Variants in UCKL1 observed in about 807,000 individuals in gnomAD.
UCKL1 encodes uridine-cytidine kinase-like 1.
UCKL1 carries 65 observed loss-of-function variants against 59.2 expected under a neutral mutation model. The ratio of observed to expected loss-of-function variants is 1.10; its 90% CI spans 0.90 to 1.35. The LOEUF (loss-of-function observed/expected upper bound fraction) is 1.35, where lower values mean the gene tolerates loss of function less well. Ranked by LOEUF, UCKL1 falls within the 40% of genes most tolerant of loss-of-function variation. The pLI is 0.00. For missense variants in UCKL1, 703 were observed against 784.3 expected, an observed-to-expected ratio of 0.90 and a Z score of 1.24; for synonymous variants, 410 against 323.1, an observed-to-expected ratio of 1.27 and a Z score of -2.88.
intron 8 of UCKL1, 49 bp downstream of exon 8, chr20:63,943,604 G>T: frequency 6.2e-7 from 1 of 1,612,220 alleles, no homozygotes; most frequent in South Asian, 1.1e-5. Flanking sequence ...GAGCTCCTTG[G>T]AGGTGTTGGA....
intron 1 of UCKL1, chr20:63,951,301 CACATT>C: frequency 2.9e-6 from 2 of 691,824 alleles, no homozygotes; most frequent in Non-Finnish European, 1.8e-6. Flanking sequence ...TGTGGGCTGG[CACATT>C]CGGCCAGCCT....
At position 63,939,858 on chromosome 20, in the gene UCKL1, T is replaced by TA; in HGVS notation, c.*117dup. ...TTTTTCTAAAGCTTTATTTATTTTA[T>TA]AAAATGCATAGAATAAATTATACTA... is the stretch of plus-strand genomic sequence containing the variant. On this transcript the variant is annotated 3_prime_UTR_variant, in exon 15 of 15. Transcript: ENST00000354216. 1.1e-6 allele frequency: 1 copy of TA among 914,570 alleles called. No individual in the cohort carries two copies. Among genetic ancestry groups the TA allele is most frequent in the East Asian group, 2.7e-5 (1 of 37,690 alleles). The allele number at this position is 914,570 out of a possible 1,614,324, so 56.7% of individuals were successfully genotyped here. A position where few individuals can be genotyped will look rare whatever the true frequency, so the allele number is the denominator to read the frequency against.
chr20:63,944,860 C>G (rs2055710310), intron 5 of UCKL1, 126 bp from the exon 6 acceptor site: 1 of 1,242,856 alleles, frequency 8.0e-7, no homozygotes, highest in Admixed American at 2.3e-5. Flanking sequence ...CCAGGGCACC[C>G]TGGCAGGTGG....
In UCKL1 at chr20:63,941,162, G is replaced by A. The variant is rs1219845174; in HGVS notation, c.970C>T (p.Leu324=). Residue 324 remains leucine (L), a synonymous_variant, in exon 9 of 15, where the codon CTG becomes TTG. Coordinates refer to ENST00000354216, the MANE Select transcript of UCKL1 (RefSeq NM_017859.4). ...AHQCHPLPRT[L]SVLKSTPQVR... ...TGCGGCGTGCTCTTCAGGACGCTCA[G>A]CGTCCGGGGCAGCGGGTGGCACTGG... is the stretch of plus-strand genomic sequence containing the variant. The A allele has an allele frequency of 1.3e-6, 2 of 1,581,062 alleles. No homozygotes were observed. The highest frequency in any genetic ancestry group is 3.5e-5 in the Admixed American group (2 of 56,400).
At chr20:63,949,283 C>T (rs892760801) in intron 1 of UCKL1, among the ~76,000 whole-genome samples, 5 of 152,270 alleles carry the variant, frequency 3.3e-5, no homozygotes, top group Admixed American at 2.0e-4. Context: ...GACGACCAGG[C>T]GAGGGCGGCC....
chr20:63,944,656 G>A lies in UCKL1; in HGVS notation c.733C>T (p.Arg245Cys), dbSNP rs750379534. The A allele has an allele frequency of 1.2e-6, 2 of 1,612,810 alleles. No individual in the cohort carries two copies. Among genetic ancestry groups the A allele is most frequent in the South Asian group, 1.1e-5 (1 of 91,062 alleles). The stretch of plus-strand genomic sequence containing the variant: ...ATGACACCCTCGATGTCCCGGCCGC[G>A]CTCACTGATGTCCCGGCGCAGCCGC... ...VRRLRRDISE[R>C]GRDIEGVIKQ... is the part of the protein sequence containing the mutation. The change falls in exon 6 of 15, where the codon CGC (arginine) becomes TGC (cysteine). Residue 245 changes from arginine (R) to cysteine (C), a missense_variant. Transcript: ENST00000354216.
Position 63,946,275 on chromosome 20 carries a change from C to T in UCKL1, c.305-8G>A, listed in dbSNP as rs756957976. 1.7e-5 allele frequency: 27 copies of T among 1,578,476 alleles called. No individual in the cohort carries two copies. Among genetic ancestry groups the T allele is most frequent in the East Asian group, 9.4e-5 (4 of 42,484 alleles). On this transcript the variant is annotated splice_region_variant and splice_polypyrimidine_tract_variant and intron_variant, in intron 2 of 14. Transcript: ENST00000354216. ...CACTGCCGCCTCCCAAGCCTGCCGGCGGGAGTGGAGACCCTCTGTGAGGAA... is the reference window on the plus strand; with the variant it reads ...CACTGCCGCCTCCCAAGCCTGCCGGTGGGAGTGGAGACCCTCTGTGAGGAA...
chr20:63,942,456 A>T, intron 8 of UCKL1: 1 of 1,176,384 alleles, frequency 8.5e-7, no homozygotes, highest in South Asian at 1.6e-5. Flanking sequence ...AGCACCACGG[A>T]GCACACTGCT....
In UCKL1 at chr20:63,940,179, T is replaced by C. The variant is rs1054908064; in HGVS notation, c.1538A>G (p.Asn513Ser). 6 of 1,612,604 alleles carry C rather than the reference T, an allele frequency of 3.7e-6. No individual in the cohort carries two copies. The highest frequency in any genetic ancestry group is 3.3e-5 in the Admixed American group (2 of 60,002). ...IITTAVDKRV[N>S]DLFRIIPGIG... is the part of the protein sequence containing the mutation. ...GCCTGGGATGATGCGGAAAAGGTCA[T>C]TGACCCGCTTGTCCACCGCCGTGGT... Residue 513 changes from asparagine to serine, a missense_variant, in exon 14 of 15, where the codon AAT becomes AGT. Around this residue, in one of 4 missense-constraint regions of UCKL1, gnomAD observed 124 missense variants for 161.1 expected, o/e 0.77. Transcript: ENST00000354216.
In UCKL1 at chr20:63,944,636, AC is replaced by A; in HGVS notation, c.752del (p.Gly251ValfsTer41). 1 of 1,612,532 alleles carries A rather than the reference AC, an allele frequency of 6.2e-7. No individual in the cohort carries two copies. The highest frequency in any genetic ancestry group is 8.5e-7 in the Non-Finnish European group (1 of 1,179,802). ...DISERGRDIEGVIKQYNKFVK... is the reference protein window; with the variant it reads ...DISERGRDIEXVIKQYNKFVK... ...CAAACTTGTTGTACTGCTTGATGAC[AC>A]CCTCGATGTCCCGGCCGCGCTCACT... On this transcript the variant is annotated frameshift_variant, in exon 6 of 15. Transcript: ENST00000354216. LOFTEE classifies it high-confidence loss of function.
Position 63,946,746 on chromosome 20 carries a change from G to A in UCKL1, c.114-103C>T. 15 of 1,261,176 alleles carry A rather than the reference G, an allele frequency of 1.2e-5. No individual in the cohort carries two copies. In the South Asian group the frequency reaches 1.4e-4, roughly 12 times the overall value. The allele number at this position is 1,261,176 out of a possible 1,614,324, so 78.1% of individuals were successfully genotyped here. ...GGCACCCCCCCCACCCCCTCAACAG[G>A]CATGGCTGAGGCGGGCAGGCTCATT... is the stretch of plus-strand genomic sequence containing the variant. On this transcript the variant is annotated intron_variant, in intron 1 of 14. Coordinates refer to ENST00000354216, the MANE Select transcript of UCKL1 (RefSeq NM_017859.4).
At position 63,942,398 on chromosome 20, in the gene UCKL1, T is replaced by TAGCGGGAGC. The variant is rs1238119370; in HGVS notation, c.924-1199_924-1191dup. The stretch of plus-strand genomic sequence containing the variant: ...CGGGGCAGGAGCAGGAAAGAGGGCC[T>TAGCGGGAGC]AGCGGGAGCAGCGGGGCAAGGGGCT... On this transcript the variant is annotated intron_variant, in intron 8 of 14. Transcript: ENST00000354216. The TAGCGGGAGC allele has an allele frequency of 4.6e-5, 54 of 1,169,654 alleles. No individual in the cohort carries two copies. In the African/African-American group the frequency reaches 7.8e-4, roughly 17 times the overall value. The allele number at this position is 1,169,654 out of a possible 1,614,324, so 72.5% of individuals were successfully genotyped here. A position where few individuals can be genotyped will look rare whatever the true frequency, so the allele number is the denominator to read the frequency against.
At position 63,948,699 on chromosome 20, in the gene UCKL1, G is replaced by T. The variant is rs551758182; in HGVS notation, c.114-2056C>A. Among the ~76,000 whole-genome samples, 35 of 109,008 alleles carry T rather than the reference G, an allele frequency of 3.2e-4. 1 individual carries two copies. The highest frequency in any genetic ancestry group is 5.1e-4 in the Non-Finnish European group (26 of 50,656). 71.5% of individuals were successfully genotyped at this position (109,008 alleles called of 152,430 possible). A position where few individuals can be genotyped will look rare whatever the true frequency, so the allele number is the denominator to read the frequency against. ...GGGGTGTGTGTGAGACCGAGGGGGCGTGTAAGGGAGGGGGTGTGTGTGAGA... is the reference window on the plus strand; with the variant it reads ...GGGGTGTGTGTGAGACCGAGGGGGCTTGTAAGGGAGGGGGTGTGTGTGAGA... On this transcript the variant is annotated intron_variant, in intron 1 of 14. Transcript: ENST00000354216.
At chr20:63,955,888 G>A (rs1364904083) in intron 1 of UCKL1, 3 of 168,296 alleles carry the variant, frequency 1.8e-5, no homozygotes, top group African/African-American at 7.1e-5. Flanking sequence ...TGGCCTCGCG[G>A]GTCGGGCAGG....
At chr20:63,950,064 G>A (rs535540653) in intron 1 of UCKL1, among the ~76,000 whole-genome samples, 15 of 152,308 alleles carry the variant, frequency 9.8e-5, no homozygotes, top group Admixed American at 8.5e-4. Flanking sequence ...GGCACACGCT[G>A]CTGACAGCCA....
chr20:63,956,290 G>T lies in UCKL1; in HGVS notation c.83C>A (p.Ala28Asp). 6.4e-7 allele frequency: 1 copy of T among 1,560,802 alleles called. No homozygotes were observed. The highest frequency in any genetic ancestry group is 2.6e-5 in the East Asian group (1 of 38,132). The change falls in exon 1 of 15, where the codon GCT becomes GAT. Residue 28 changes from alanine to aspartate, a missense_variant. Physicochemically the swap from Ala to Asp is moderately radical, Grantham distance 126. Transcript: ENST00000354216. ...CTCGCACGCGGTCTCGCTTTTCTCA[G>T]CCTGCCGGCCTGGTGTGTCTCGGGC... ...PTARDTPGRQ[A>D]EKSETACEDR...
rs1214253572 is a variant in UCKL1 at position 63,940,471 on chromosome 20, C to T, written c.1317G>A (p.Arg439=). 5.6e-6 allele frequency: 9 copies of T among 1,611,726 alleles called. No homozygotes were observed. Among genetic ancestry groups the T allele is most frequent in the Non-Finnish European group, 7.6e-6 (9 of 1,179,690 alleles). Reference sequence around the variant, plus strand: ...GGTCATCGCTGATGTCCTTGGGCAGCCTCAGGTAGTGGAGCTGCGGGCAGC... The same window carrying T: ...GGTCATCGCTGATGTCCTTGGGCAGTCTCAGGTAGTGGAGCTGCGGGCAGC... ...LTGEPELHYL[R]LPKDISDDHV... The change falls in exon 13 of 15, where the codon AGG becomes AGA. Residue 439 remains arginine, a synonymous_variant. Coordinates refer to ENST00000354216, the MANE Select transcript of UCKL1 (RefSeq NM_017859.4).
intron 1 of UCKL1, chr20:63,953,769 C>G (rs925716036): frequency 6.6e-6 from 1 of 152,574 alleles, no homozygotes; most frequent in Non-Finnish European, 1.5e-5. Flanking sequence ...ACGAACCATC[C>G]ACAATGCCAA....
Position 63,940,186 on chromosome 20 carries a change from G to C in UCKL1, c.1531C>G (p.Arg511Gly). ...ATGATGCGGAAAAGGTCATTGACCCGCTTGTCCACCGCCGTGGTGATGATT... is the reference window on the plus strand; with the variant it reads ...ATGATGCGGAAAAGGTCATTGACCCCCTTGTCCACCGCCGTGGTGATGATT... ...VRIITTAVDK[R>G]VNDLFRIIPG... Residue 511 changes from arginine to glycine, a missense_variant, in exon 14 of 15, where the codon CGG (arginine) becomes GGG (glycine). By Grantham distance (125) the Arg-to-Gly change is moderately radical. Coordinates refer to ENST00000354216, the MANE Select transcript of UCKL1 (RefSeq NM_017859.4). 6.2e-7 allele frequency: 1 copy of C among 1,612,708 alleles called. No homozygotes were observed. The highest frequency in any genetic ancestry group is 8.5e-7 in the Non-Finnish European group (1 of 1,179,994).
Sources: allele counts gnomAD v4.1 joint callset (sites outside exome capture counted in the v4.1 genomes callset), GRCh38; gene constraint gnomAD v4.1.1; regional missense constraint gnomAD v4.1.1; transcripts MANE v1.5; gene names NCBI Gene and HGNC (gene_info 2026-07-23, HGNC 2026-07-21).